Variants in PACS1 observed in about 807,000 individuals in gnomAD.
PACS1 encodes the protein phosphofurin acidic cluster sorting protein 1, also known as PACS-1.
A neutral mutation model predicts 115.0 loss-of-function variants in PACS1; 24 were observed. The observed-to-expected ratio is 0.21, with a 90% CI of 0.15 to 0.29. PACS1 has a LOEUF of 0.29. Among genes scored for constraint, PACS1 ranks in the 10% least tolerant of loss-of-function variants. PACS1 has a pLI of 1.00. For missense variants in PACS1, 838 were observed against 1,251.2 expected (o/e 0.67, Z 4.98); for synonymous variants, 453 against 504.5 (o/e 0.90, Z 1.37).
intron 1 of PACS1, among the ~76,000 whole-genome samples, chr11:66,171,652 T>C (rs1859740623): frequency 6.7e-6 from 1 of 150,142 alleles, no homozygotes; most frequent in African/African-American, 2.5e-5. Flanking sequence ...CAATCTCGGC[T>C]CACTGCAAGC....
intron 12 of PACS1, 67 bp downstream of exon 12, chr11:66,230,730 G>C: frequency 4.3e-6 from 7 of 1,612,612 alleles, no homozygotes; most frequent in Non-Finnish European, 5.9e-6. Flanking sequence ...CTTCAGGGCT[G>C]AGGGAAAGCG....
chr11:66,134,114 A>G (rs1858772017), intron 1 of PACS1, among the ~76,000 whole-genome samples: 1 of 151,872 alleles, frequency 6.6e-6, no homozygotes, highest in South Asian at 2.1e-4. Context: ...GCTCCCTGAA[A>G]TCCCCATTAG....
intron 7 of PACS1, chr11:66,216,976 G>T: frequency 1.8e-6 from 1 of 571,284 alleles, no homozygotes; most frequent in South Asian, 2.1e-5. Flanking sequence ...TGATAAGAGT[G>T]TTATATCCTT....
intron 1 of PACS1, among the ~76,000 whole-genome samples, chr11:66,139,410 C>T (rs1858926154): frequency 6.6e-6 from 1 of 152,016 alleles, no homozygotes; most frequent in South Asian, 2.1e-4. Flanking sequence ...GTTGTGCTAG[C>T]AAATATTAGG....
At chr11:66,141,245 T>C (rs1858975460) in intron 1 of PACS1, among the ~76,000 whole-genome samples, 1 of 152,224 alleles carries the variant, frequency 6.6e-6, no homozygotes, top group African/African-American at 2.4e-5. Flanking sequence ...TTTTTCACAT[T>C]CCTAATGTTA....
chr11:66,126,546 T>A, intron 1 of PACS1, among the ~76,000 whole-genome samples: 1 of 152,202 alleles, frequency 6.6e-6, no homozygotes, highest in East Asian at 1.9e-4. Context: ...TTTCTTGCAA[T>A]CATTTCCACT....
At chr11:66,117,901 T>C (rs1458670771) in intron 1 of PACS1, among the ~76,000 whole-genome samples, 1 of 152,180 alleles carries the variant, frequency 6.6e-6, no homozygotes, top group Non-Finnish European at 1.5e-5. Flanking sequence ...TATGTGATAA[T>C]GATGCGGTAG....
At chr11:66,144,172 T>C (rs1279916797) in intron 1 of PACS1, among the ~76,000 whole-genome samples, 2 of 152,188 alleles carry the variant, frequency 1.3e-5, no homozygotes, top group Admixed American at 6.5e-5. Context: ...ATGGACTATA[T>C]TTAGCCTTTT....
intron 1 of PACS1, 111 bp from the exon 2 acceptor site, chr11:66,193,375 C>T: frequency 1.5e-6 from 1 of 679,906 alleles, no homozygotes. Context: ...GGACTGAGGA[C>T]AGCGTTCTCA....
intron 1 of PACS1, among the ~76,000 whole-genome samples, chr11:66,102,654 T>TG (rs1307543302): frequency 6.6e-6 from 1 of 151,970 alleles, no homozygotes; most frequent in African/African-American, 2.4e-5. Context: ...AAAATACTGG[T>TG]GGCCTTGAAA....
chr11:66,086,974 C>G (rs1649906041), intron 1 of PACS1, among the ~76,000 whole-genome samples: 1 of 152,006 alleles, frequency 6.6e-6, no homozygotes, highest in Non-Finnish European at 1.5e-5. Flanking sequence ...AACAAAAAAC[C>G]TTTTGTTTGG....
rs1855298868 is a variant in PACS1 at position 66,219,728 on chromosome 11, T to C, written c.979-18T>C. On this transcript the variant is annotated intron_variant, in intron 7 of 23. Transcript: ENST00000320580. ...AAGTGGACGTTGCTGAGAACTGTCATGCGATTTGTCCCTACAGCAACCTAA... is the reference window on the plus strand; with the variant it reads ...AAGTGGACGTTGCTGAGAACTGTCACGCGATTTGTCCCTACAGCAACCTAA... 1 of 1,610,126 alleles carries C rather than the reference T, an allele frequency of 6.2e-7. No individual in the cohort carries two copies.
chr11:66,073,902 G>A (rs1384196733), intron 1 of PACS1, among the ~76,000 whole-genome samples: 2 of 141,722 alleles, frequency 1.4e-5, no homozygotes, highest in African/African-American at 5.2e-5. Context: ...ATAGGCATGT[G>A]ACATCACACC....
chr11:66,216,610 A>T lies in PACS1; in HGVS notation c.896A>T (p.Gln299Leu). The T allele has an allele frequency of 6.2e-7, 1 of 1,613,532 alleles. No homozygotes were observed. Among genetic ancestry groups the T allele is most frequent in the Non-Finnish European group, 8.5e-7 (1 of 1,179,420 alleles). The part of the protein sequence containing the change: ...QEGSDDPLHG[Q>L]DLFYEDEDLR... ...GGCAGTGATGATCCATTGCATGGGC[A>T]GGTAACTTTCTGTGGTCCCTCACAT... Residue 299 changes from glutamine to leucine, a missense_variant and splice_region_variant, in exon 6 of 24, where the codon CAG becomes CTG. Gln to Leu is a moderately radical substitution (Grantham distance 113, BLOSUM62 -2). Around this residue, in one of 6 missense-constraint regions of PACS1, gnomAD observed 223 missense variants for 354.0 expected, o/e 0.63. Transcript: ENST00000320580.
Position 66,156,572 on chromosome 11 carries a change from C to T in PACS1, c.357-36914C>T, listed in dbSNP as rs532434023. 6.6e-5 allele frequency among the ~76,000 whole-genome samples: 10 copies of T among 151,700 alleles called. No individual in the cohort carries two copies. The East Asian group carries it at 9.9e-4, about 15-fold the overall frequency. Reference sequence around the variant, plus strand: ...AAGTTGTTTTTTAAAAAAATCTTTCCGGCTGGGCATGGTGGCTCATGTCTG... The same window carrying T: ...AAGTTGTTTTTTAAAAAAATCTTTCTGGCTGGGCATGGTGGCTCATGTCTG... On this transcript the variant is annotated intron_variant, in intron 1 of 23. Coordinates refer to ENST00000320580, the MANE Select transcript of PACS1 (RefSeq NM_018026.4).
intron 1 of PACS1, among the ~76,000 whole-genome samples, chr11:66,153,286 G>C (rs1435593678): frequency 6.6e-6 from 1 of 152,142 alleles, no homozygotes; most frequent in Non-Finnish European, 1.5e-5. Context: ...ATGTGCCACT[G>C]TGCCTGCTGG....
At chr11:66,120,933 A>C (rs1246691753) in intron 1 of PACS1, 1 of 441,324 alleles carries the variant, frequency 2.3e-6, no homozygotes. Context: ...GTGCTTCCAC[A>C]GGGCCTGTGC....
At chr11:66,102,670 G>A (rs1334142131) in intron 1 of PACS1, among the ~76,000 whole-genome samples, 1 of 151,994 alleles carries the variant, frequency 6.6e-6, no homozygotes, top group African/African-American at 2.4e-5. Context: ...TGAAATCAGT[G>A]TAAAATAATA....
chr11:66,073,483 C>T (rs761221833), intron 1 of PACS1, among the ~76,000 whole-genome samples: 2 of 152,036 alleles, frequency 1.3e-5, no homozygotes, highest in Non-Finnish European at 2.9e-5. Context: ...AAGAGGGGCT[C>T]GAACAGTACA....
Sources: gnomAD v4.1 joint callset for allele counts (sites outside exome capture counted in the v4.1 genomes callset) on GRCh38, gnomAD v4.1.1 for gene constraint, gnomAD v4.1.1 regional missense constraint, MANE v1.5 for transcripts, NCBI Gene and HGNC (gene_info 2026-07-23, HGNC 2026-07-21) for gene names.